The following BTBD9 variants were observed in gnomAD, a reference collection of about 807,000 sequenced individuals.
The protein encoded by BTBD9 is BTB/POZ domain-containing protein 9.
A neutral mutation model predicts 64.3 loss-of-function variants in BTBD9; 49 were observed. That is an observed-to-expected ratio of 0.76 (90% CI 0.61 to 0.97). The LOEUF is 0.97. Ranked by LOEUF, BTBD9 falls within the 50% of genes least tolerant of loss-of-function variation. BTBD9 has a pLI of 0.00. For missense variants in BTBD9, 598 were observed against 762.1 expected (o/e 0.78, Z 2.53); for synonymous variants, 260 against 274.7 (o/e 0.95, Z 0.53).
At chr6:38,492,609 A>G (rs1263907282) in intron 6 of BTBD9, among the ~76,000 whole-genome samples, 1 of 152,210 alleles carries the variant, frequency 6.6e-6, no homozygotes, top group African/African-American at 2.4e-5. Flanking sequence ...AAGAATAAAC[A>G]TAATTTTTTA....
intron 7 of BTBD9, among the ~76,000 whole-genome samples, chr6:38,325,308 A>G (rs1475896698): frequency 6.6e-6 from 1 of 152,240 alleles, no homozygotes; most frequent in Non-Finnish European, 1.5e-5. Flanking sequence ...AAAAATATGA[A>G]TAAAAGAGAA....
chr6:38,491,083 A>G (rs1162199294), intron 6 of BTBD9, among the ~76,000 whole-genome samples: 1 of 152,210 alleles, frequency 6.6e-6, no homozygotes, highest in Non-Finnish European at 1.5e-5. Flanking sequence ...CATCATGTTG[A>G]GAGAGATCTC....
chr6:38,486,488 T>C (rs1391258352), intron 6 of BTBD9, among the ~76,000 whole-genome samples: 1 of 152,204 alleles, frequency 6.6e-6, no homozygotes, highest in African/African-American at 2.4e-5. Context: ...AAGAGACTAC[T>C]GTAGGGTTAT....
chr6:38,580,464 G>A, intron 4 of BTBD9, 27 bp from the exon 5 acceptor site: 1 of 1,555,960 alleles, frequency 6.4e-7, no homozygotes, highest in Non-Finnish European at 8.8e-7. Flanking sequence ...AAAAAGCAAG[G>A]TTAATGATTA....
intron 6 of BTBD9, among the ~76,000 whole-genome samples, chr6:38,456,918 C>G (rs1582460182): frequency 6.6e-6 from 1 of 152,178 alleles, no homozygotes; most frequent in East Asian, 1.9e-4. Flanking sequence ...TTATAAAAAG[C>G]ACTTTGAAGG....
chr6:38,435,634 C>T (rs1280323965), intron 6 of BTBD9, among the ~76,000 whole-genome samples: 8 of 110,000 alleles, frequency 7.3e-5, no homozygotes, highest in South Asian at 7.3e-4. Flanking sequence ...CCCTCCCTTC[C>T]TCCCTCCCTC....
chr6:38,291,137 C>T (rs1761939947), intron 7 of BTBD9, among the ~76,000 whole-genome samples: 1 of 152,118 alleles, frequency 6.6e-6, no homozygotes, highest in Non-Finnish European at 1.5e-5. Context: ...ACTTCAACTT[C>T]CCTAGATATT....
intron 4 of BTBD9, chr6:38,588,468 T>C: frequency 1.2e-6 from 1 of 848,872 alleles, no homozygotes; most frequent in Non-Finnish European, 1.9e-6. Flanking sequence ...CAACTGGGCC[T>C]AATCCTTATA....
At chr6:38,487,599 G>C (rs200396862) in intron 6 of BTBD9, among the ~76,000 whole-genome samples, 9 of 109,556 alleles carry the variant, frequency 8.2e-5, no homozygotes, top group Non-Finnish European at 1.0e-4. Context: ...CAGCGAGAGA[G>C]AGAGAGAGAG....
chr6:38,448,574 G>C (rs1432686709), intron 6 of BTBD9, among the ~76,000 whole-genome samples: 1 of 152,174 alleles, frequency 6.6e-6, no homozygotes, highest in African/African-American at 2.4e-5. Flanking sequence ...CTGGAGTACA[G>C]TGGTGCAATC....
At chr6:38,410,392 G>A (rs1361908965) in intron 6 of BTBD9, among the ~76,000 whole-genome samples, 4 of 152,084 alleles carry the variant, frequency 2.6e-5, no homozygotes, top group Non-Finnish European at 4.4e-5. Flanking sequence ...AGGATCACTT[G>A]AGCCCAGGAG....
At chr6:38,385,489 C>T (rs1378645675) in intron 6 of BTBD9, among the ~76,000 whole-genome samples, 3 of 151,628 alleles carry the variant, frequency 2.0e-5, no homozygotes, top group African/African-American at 7.3e-5. Flanking sequence ...CACACCCGGC[C>T]CTTTATGTAC....
chr6:38,314,882 C>T (rs1029838486), intron 7 of BTBD9, among the ~76,000 whole-genome samples: 2 of 152,172 alleles, frequency 1.3e-5, no homozygotes, highest in East Asian at 1.9e-4. Flanking sequence ...CAAAGTCTTG[C>T]TCTGTCGCCC....
At chr6:38,417,064 C>T (rs1562154786) in intron 6 of BTBD9, among the ~76,000 whole-genome samples, 3 of 152,178 alleles carry the variant, frequency 2.0e-5, no homozygotes, top group Admixed American at 1.3e-4. Flanking sequence ...CTCAGCCTCC[C>T]AAGTAGCTAG....
chr6:38,456,940 G>C (rs1036026187), intron 6 of BTBD9, among the ~76,000 whole-genome samples: 1 of 152,194 alleles, frequency 6.6e-6, no homozygotes, highest in Non-Finnish European at 1.5e-5. Context: ...AATAAATACA[G>C]TGACATGATA....
At chr6:38,549,107 G>A (rs1774685628) in intron 6 of BTBD9, among the ~76,000 whole-genome samples, 1 of 152,286 alleles carries the variant, frequency 6.6e-6, no homozygotes, top group South Asian at 2.1e-4. Context: ...AACCTACAAT[G>A]TGACTCCTTT....
intron 6 of BTBD9, among the ~76,000 whole-genome samples, chr6:38,506,087 A>G (rs1299782493): frequency 1.3e-5 from 2 of 151,012 alleles, no homozygotes; most frequent in Admixed American, 1.3e-4. Flanking sequence ...ATCTATGCTG[A>G]CTCTAAAACC....
chr6:38,447,937 G>C (rs1769351346), intron 6 of BTBD9, among the ~76,000 whole-genome samples: 1 of 152,142 alleles, frequency 6.6e-6, no homozygotes, highest in Admixed American at 6.5e-5. Context: ...GTGGACATTT[G>C]GTCCTCATTC....
chr6:38,225,605 T>C (rs372567796), intron 9 of BTBD9, among the ~76,000 whole-genome samples: 1 of 152,336 alleles, frequency 6.6e-6, no homozygotes, highest in Non-Finnish European at 1.5e-5. Flanking sequence ...AGGAACTTAA[T>C]GCCTAATGGA....
Sources: gnomAD v4.1 joint callset for allele counts (sites outside exome capture counted in the v4.1 genomes callset) on GRCh38, gnomAD v4.1.1 for gene constraint, MANE v1.5 for transcripts, NCBI Gene and HGNC (gene_info 2026-07-23, HGNC 2026-07-21) for gene names.